DACH2: variants seen among roughly 807,000 people sequenced by gnomAD.
DACH2 encodes dachshund family transcription factor 2.
Under a neutral mutation model 35.8 loss-of-function variants are expected in DACH2, and 17 were observed. The observed-to-expected ratio is 0.48, with a 90% CI of 0.33 to 0.71. The LOEUF (loss-of-function observed/expected upper bound fraction) is 0.71. Ranked by LOEUF, DACH2 falls within the 30% of genes least tolerant of loss-of-function variation. The probability of loss-of-function intolerance (pLI) is 0.02; values close to 1 mark genes in which losing one functional copy is unlikely to be tolerated. For missense variants in DACH2, 469 were observed against 472.7 expected (o/e 0.99, Z 0.07); for synonymous variants, 195 against 177.3 (o/e 1.10, Z -0.79).
At chrX:86,619,809 T>A (rs996265433) in intron 3 of DACH2, among the ~76,000 whole-genome samples, 11 of 112,076 alleles carry the variant, frequency 9.8e-5, no homozygotes, top group Non-Finnish European at 1.9e-4. Flanking sequence ...ACAATCACTC[T>A]GATAATTTAA....
intron 1 of DACH2, among the ~76,000 whole-genome samples, chrX:86,283,624 A>G (rs1191146307): frequency 4.6e-5 from 5 of 108,754 alleles, no homozygotes; most frequent in Non-Finnish European, 9.5e-5. Context: ...AAACTAACAC[A>G]GGAACAGAAA....
intron 3 of DACH2, among the ~76,000 whole-genome samples, chrX:86,612,727 C>G (rs184618530): frequency 8.9e-6 from 1 of 112,547 alleles, no homozygotes; most frequent in Non-Finnish European, 1.9e-5. Context: ...CTACCCACTA[C>G]AGTGCCTATT....
At chrX:86,322,597 G>T (rs184396180) in intron 1 of DACH2, among the ~76,000 whole-genome samples, 14 of 111,875 alleles carry the variant, frequency 1.3e-4, no homozygotes, top group African/African-American at 4.5e-4. Flanking sequence ...TTATTCCTCT[G>T]CCTGGTAATT....
At chrX:86,529,414 T>A (rs925383699) in intron 3 of DACH2, among the ~76,000 whole-genome samples, 1 of 109,702 alleles carries the variant, frequency 9.1e-6, no homozygotes. Context: ...CCCCCTCCTG[T>A]ATTCATACCC....
At chrX:86,320,956 C>T (rs761113108) in intron 1 of DACH2, among the ~76,000 whole-genome samples, 28 of 111,544 alleles carry the variant, frequency 2.5e-4, no homozygotes, top group African/African-American at 6.5e-4. Flanking sequence ...AAAGGGTGAG[C>T]CATTTCTCTG....
rs57833845 is a variant in DACH2, at chrX:86,800,336, G to C, written c.1241-12520G>C. On this transcript the variant is annotated intron_variant, in intron 7 of 11. Transcript: ENST00000373125. ...GAATATTGAAATAGAAGAAAGTAAA[G>C]TTGAATCAGTCCCCACAAACTAGAA... 0.012 allele frequency among the ~76,000 whole-genome samples: 1,345 copies of C among 109,724 alleles called. 38 individuals carry two copies. The East Asian group carries it at 0.12, about 10-fold the overall frequency.
chrX:86,449,789 C>T (rs1249057933), intron 2 of DACH2, among the ~76,000 whole-genome samples: 2 of 111,379 alleles, frequency 1.8e-5, no homozygotes, highest in African/African-American at 6.5e-5. Context: ...TAATCCCTCC[C>T]CCAGCTTGAA....
intron 1 of DACH2, among the ~76,000 whole-genome samples, chrX:86,269,387 C>G (rs756413259): frequency 9.0e-6 from 1 of 111,670 alleles, no homozygotes; most frequent in African/African-American, 3.3e-5. Flanking sequence ...TTCGAACTTT[C>G]TAAGAACCTG....
At chrX:86,181,790 A>C (rs1325441386) in intron 1 of DACH2, among the ~76,000 whole-genome samples, 1 of 111,769 alleles carries the variant, frequency 8.9e-6, no homozygotes, top group African/African-American at 3.3e-5. Flanking sequence ...GAATTCATTT[A>C]CACTCCCACC....
intron 3 of DACH2, among the ~76,000 whole-genome samples, chrX:86,612,158 G>A (rs766391589): frequency 9.2e-6 from 1 of 108,459 alleles, no homozygotes; most frequent in South Asian, 4.1e-4. Context: ...CCAGGAATTA[G>A]TGCCTGGAAT....
intron 5 of DACH2, among the ~76,000 whole-genome samples, chrX:86,700,133 G>T (rs1407036856): frequency 9.0e-6 from 1 of 110,918 alleles, no homozygotes; most frequent in South Asian, 3.8e-4. Context: ...ATTTTAGTAT[G>T]ATTTCTTTTT....
At chrX:86,456,156 G>A (rs2037471611) in intron 2 of DACH2, among the ~76,000 whole-genome samples, 1 of 112,090 alleles carries the variant, frequency 8.9e-6, no homozygotes, top group African/African-American at 3.2e-5. Context: ...CATGGGTGAA[G>A]TTGTTTGCCT....
chrX:86,408,039 C>A (rs2036553241), intron 2 of DACH2, among the ~76,000 whole-genome samples: 1 of 110,671 alleles, frequency 9.0e-6, no homozygotes, highest in East Asian at 2.8e-4. Flanking sequence ...ATGTACAGTG[C>A]CCCTTTCACC....
chrX:86,571,263 G>A (rs1264518500), intron 3 of DACH2, among the ~76,000 whole-genome samples: 1 of 110,441 alleles, frequency 9.1e-6, no homozygotes, highest in Non-Finnish European at 1.9e-5. Flanking sequence ...TCTATTTCTG[G>A]ACCCTCTATT....
chrX:86,582,592 A>G (rs1406064103), intron 3 of DACH2, among the ~76,000 whole-genome samples: 1 of 110,806 alleles, frequency 9.0e-6, no homozygotes, highest in Non-Finnish European at 1.9e-5. Flanking sequence ...ATCTCTATGC[A>G]CACAACTAGA....
At chrX:86,668,866 G>A (rs1569463972) in intron 4 of DACH2, among the ~76,000 whole-genome samples, 2 of 111,471 alleles carry the variant, frequency 1.8e-5, no homozygotes, top group Non-Finnish European at 3.8e-5. Context: ...TCCTCATAAT[G>A]ATCTCTGAAT....
chrX:86,737,103 T>A lies in DACH2; in HGVS notation c.1105-2644T>A, dbSNP rs765137492. On this transcript the variant is annotated intron_variant, in intron 6 of 11. Transcript: ENST00000373125. ...AGTTTAAGTTGAATTTCACAACTGA[T>A]AAACTACAAGTCTATTTTTAAAAAG... Among the ~76,000 whole-genome samples, 3 of 111,811 alleles carry A rather than the reference T, an allele frequency of 2.7e-5. No individual in the cohort carries two copies. In the South Asian group the frequency reaches 1.1e-3, roughly 42 times the overall value.
intron 1 of DACH2, chrX:86,160,530 G>A (rs1052766611): frequency 9.5e-6 from 5 of 526,994 alleles, no homozygotes; most frequent in Admixed American, 7.0e-5. Context: ...TGAGCCATGT[G>A]GCAATCCAGT....
At chrX:86,355,611 C>T (rs2035629807) in intron 1 of DACH2, among the ~76,000 whole-genome samples, 1 of 111,548 alleles carries the variant, frequency 9.0e-6, no homozygotes, top group Non-Finnish European at 1.9e-5. Context: ...CTCACTGCTG[C>T]CTCCACCTCC....
Sources: allele counts gnomAD v4.1 joint callset (sites outside exome capture counted in the v4.1 genomes callset), GRCh38; gene constraint gnomAD v4.1.1; transcripts MANE v1.5; gene names NCBI Gene and HGNC (gene_info 2026-07-23, HGNC 2026-07-21).